AQR: variants seen among roughly 807,000 people sequenced by gnomAD.
AQR encodes the protein aquarius intron-binding spliceosomal factor.
A neutral mutation model predicts 180.5 loss-of-function variants in AQR; 61 were observed. The ratio of observed to expected loss-of-function variants is 0.34; its 90% CI spans 0.28 to 0.42. AQR has a LOEUF of 0.42. Ranked by LOEUF, AQR falls within the 10% of genes least tolerant of loss-of-function variation. The pLI is 1.00. For synonymous variants in AQR, 551 were observed against 588.8 expected (o/e 0.94, Z 0.93); for missense variants, 1,281 against 1,798.3 (o/e 0.71, Z 5.20).
chr15:34,903,343 G>A (rs1453588431), intron 19 of AQR, among the ~76,000 whole-genome samples: 1 of 152,086 alleles, frequency 6.6e-6, no homozygotes, highest in East Asian at 1.9e-4. Flanking sequence ...AATGTTAAGT[G>A]GGGGTATCAA....
chr15:34,959,642 A>C (rs923516721), intron 3 of AQR, among the ~76,000 whole-genome samples: 2 of 152,252 alleles, frequency 1.3e-5, no homozygotes, highest in Non-Finnish European at 2.9e-5. Flanking sequence ...CTAATCACTC[A>C]GCAACTTAAG....
At chr15:34,898,762 T>C (rs1477408102) in intron 20 of AQR, among the ~76,000 whole-genome samples, 15 of 144,476 alleles carry the variant, frequency 1.0e-4, no homozygotes, top group Middle Eastern at 3.9e-3. Context: ...CGGGCGCCTG[T>C]AGTCCCAGCT....
chr15:34,900,201 A>C (rs1039289835), intron 20 of AQR, among the ~76,000 whole-genome samples: 1 of 152,194 alleles, frequency 6.6e-6, no homozygotes, highest in African/African-American at 2.4e-5. Flanking sequence ...CTATATTATG[A>C]ACATTTCAAA....
In AQR at chr15:34,886,602, C is replaced by T. The variant is rs761331012; in HGVS notation, c.2741G>A (p.Arg914Gln). The T allele has an allele frequency of 9.9e-6, 16 of 1,613,960 alleles. No individual in the cohort carries two copies. The highest frequency in any genetic ancestry group is 9.9e-5 in the South Asian group (9 of 91,062). Reference protein sequence around the residue: ...RRIELLEEVKRLQKSLGVPGD... With the variant: ...RRIELLEEVKQLQKSLGVPGD... ...TGGAACCCCTAGACTCTTTTGCAAT[C>T]GTTTGACTTCTTCTAAAAGTTCTAT... is the stretch of plus-strand genomic sequence containing the variant. Residue 914 changes from arginine to glutamine, a missense_variant, in exon 25 of 35, where the codon CGA becomes CAA. Around this residue, in one of 9 missense-constraint regions of AQR, gnomAD observed 125 missense variants for 185.0 expected, o/e 0.68. Transcript: ENST00000156471.
intron 22 of AQR, 126 bp downstream of exon 22, chr15:34,896,771 C>A: frequency 2.6e-6 from 2 of 776,196 alleles, no homozygotes; most frequent in Non-Finnish European, 2.2e-6. Flanking sequence ...ATCACTTGAA[C>A]CTGGGAGGCA....
Position 34,930,349 on chromosome 15 carries a change from T to C in AQR, c.923A>G (p.Tyr308Cys), listed in dbSNP as rs1893833409. ...FSQLLDMLKF[Y>C]TGFEINDQTG... ...TTGGTCATTAATTTCAAAACCAGTATAGAATTTAAGCATGTCCAAAAGCTG... is the reference window on the plus strand; with the variant it reads ...TTGGTCATTAATTTCAAAACCAGTACAGAATTTAAGCATGTCCAAAAGCTG... The change falls in exon 12 of 35, where the codon TAT becomes TGT. Residue 308 changes from tyrosine to cysteine, a missense_variant. This residue lies in a region of AQR where 404 missense variants were observed against 490.9 expected (regional missense o/e 0.82). Coordinates refer to ENST00000156471, the MANE Select transcript of AQR (RefSeq NM_014691.3). 2 of 1,607,428 alleles carry C rather than the reference T, an allele frequency of 1.2e-6. No individual in the cohort carries two copies. The highest frequency in any genetic ancestry group is 1.3e-5 in the African/African-American group (1 of 74,796).
In AQR at chr15:34,900,839, G is replaced by A. The variant is rs767479643; in HGVS notation, c.2026C>T (p.Leu676=). ...GGTACCACACAATCAGTATTCATCAGGTTCCGAATAGTCTCCAGCACAGCC... is the reference window on the plus strand; with the variant it reads ...GGTACCACACAATCAGTATTCATCAAGTTCCGAATAGTCTCCAGCACAGCC... ...FKAVLETIRN[L]MNTDCVVPDW... The change falls in exon 20 of 35, where the codon CTG becomes TTG. Residue 676 remains leucine (L), a synonymous_variant. Transcript: ENST00000156471. 2.5e-5 allele frequency: 41 copies of A among 1,608,330 alleles called. 1 individual carries two copies. In the East Asian group the frequency reaches 7.2e-4, roughly 28 times the overall value.
chr15:34,927,091 T>C lies in AQR; in HGVS notation c.1062A>G (p.Ser354=), dbSNP rs752147147. Reference sequence around the variant, plus strand: ...CCCGAGTATCTACTTCTGCCACATTTGAGAGGGCAAAATCATAGAGTTCAG... The same window carrying C: ...CCCGAGTATCTACTTCTGCCACATTCGAGAGGGCAAAATCATAGAGTTCAG... ...HFPELYDFAL[S]NVAEVDTRES... The change falls in exon 13 of 35, where the codon TCA becomes TCG. Residue 354 remains serine (S), a synonymous_variant. Coordinates refer to ENST00000156471, the MANE Select transcript of AQR (RefSeq NM_014691.3). 3 of 1,595,208 alleles carry C rather than the reference T, an allele frequency of 1.9e-6. No individual in the cohort carries two copies. The highest frequency in any genetic ancestry group is 1.1e-5 in the South Asian group (1 of 87,092).
intron 28 of AQR, 38 bp downstream of exon 28, chr15:34,875,897 A>C: frequency 6.7e-7 from 1 of 1,499,154 alleles, no homozygotes; most frequent in East Asian, 2.3e-5. Context: ...GCATTCTTAG[A>C]ACTCTATTTT....
intron 23 of AQR, among the ~76,000 whole-genome samples, chr15:34,890,595 G>T (rs1025285516): frequency 1.3e-5 from 2 of 152,108 alleles, no homozygotes; most frequent in Non-Finnish European, 1.5e-5. Context: ...TATTTCTTCC[G>T]AGTTGTAACA....
chr15:34,879,656 G>A (rs946297638), intron 27 of AQR, among the ~76,000 whole-genome samples: 2 of 152,020 alleles, frequency 1.3e-5, no homozygotes, highest in Non-Finnish European at 2.9e-5. Context: ...GGCTTCTAGT[G>A]CACTGAGCAG....
chr15:34,958,182 T>C (rs1894354964), intron 3 of AQR, among the ~76,000 whole-genome samples: 1 of 151,970 alleles, frequency 6.6e-6, no homozygotes, highest in African/African-American at 2.4e-5. Context: ...CACTCCAGCC[T>C]GGCGACAGAG....
intron 16 of AQR, among the ~76,000 whole-genome samples, chr15:34,912,302 A>G (rs925838297): frequency 1.3e-5 from 2 of 151,950 alleles, no homozygotes; most frequent in Non-Finnish European, 2.9e-5. Flanking sequence ...AGCTTGGAGA[A>G]CTTCCCTTAG....
intron 5 of AQR, among the ~76,000 whole-genome samples, chr15:34,946,690 C>G (rs551499849): frequency 7.0e-6 from 1 of 141,938 alleles, no homozygotes; most frequent in South Asian, 2.2e-4. Context: ...GCCAGCCGCC[C>G]GTCCGGGAGG....
chr15:34,939,394 T>C (rs1400585980), intron 8 of AQR, among the ~76,000 whole-genome samples: 5 of 152,146 alleles, frequency 3.3e-5, no homozygotes. Context: ...CCAAACATTT[T>C]CATTTGTGAT....
chr15:34,880,601 T>C (rs1280043367), intron 27 of AQR, among the ~76,000 whole-genome samples: 1 of 152,210 alleles, frequency 6.6e-6, no homozygotes, highest in Non-Finnish European at 1.5e-5. Context: ...CAACTAATCA[T>C]GGTATATTCC....
chr15:34,884,592 T>C lies in AQR; in HGVS notation c.2960A>G (p.Tyr987Cys). 4.4e-6 allele frequency: 7 copies of C among 1,602,090 alleles called. No individual in the cohort carries two copies. The highest frequency in any genetic ancestry group is 5.9e-6 in the Non-Finnish European group (7 of 1,177,284). Residue 987 changes from tyrosine to cysteine, a missense_variant, in exon 26 of 35, where the codon TAT (tyrosine) becomes TGT (cysteine). Physicochemically the swap from Tyr to Cys is radical, Grantham distance 194. Coordinates refer to ENST00000156471, the MANE Select transcript of AQR (RefSeq NM_014691.3). ...APQPIFKGRSYEEDMEIAEGC... is the reference protein window; with the variant it reads ...APQPIFKGRSCEEDMEIAEGC... Reference sequence around the variant, plus strand: ...TTCAGCAATTTCCATGTCTTCTTCATAAGATCTTCCTTTAAAAATGGGTTG... The same window carrying C: ...TTCAGCAATTTCCATGTCTTCTTCACAAGATCTTCCTTTAAAAATGGGTTG...
At chr15:34,932,481 C>A in intron 10 of AQR, 47 bp from the exon 11 acceptor site, 1 of 1,327,352 alleles carries the variant, frequency 7.5e-7, no homozygotes. Flanking sequence ...CTATTCTCCA[C>A]AGCTAGAAGT....
chr15:34,882,106 G>A (rs1892980258), intron 27 of AQR, among the ~76,000 whole-genome samples: 1 of 151,946 alleles, frequency 6.6e-6, no homozygotes, highest in Admixed American at 6.6e-5. Context: ...ACACCTGGCT[G>A]AAAACCATTT....
Sources: gnomAD v4.1 joint callset for allele counts (sites outside exome capture counted in the v4.1 genomes callset) on GRCh38, gnomAD v4.1.1 for gene constraint, gnomAD v4.1.1 regional missense constraint, MANE v1.5 for transcripts, NCBI Gene and HGNC (gene_info 2026-07-23, HGNC 2026-07-21) for gene names.